Variants in NAV3 observed in about 807,000 individuals in gnomAD.
The protein encoded by NAV3 is pore membrane and/or filament interacting like protein 1.
NAV3 carries 87 observed loss-of-function variants against 244.7 expected under a neutral mutation model. The ratio of observed to expected loss-of-function variants is 0.36; its 90% confidence interval spans 0.30 to 0.42. The LOEUF (loss-of-function observed/expected upper bound fraction) is 0.42. Among genes scored for constraint, NAV3 ranks in the 20% least tolerant of loss-of-function variants. The pLI, the probability that NAV3 is intolerant of heterozygous loss-of-function variation, is 1.00. For synonymous variants in NAV3, 1,126 were observed against 1,042.2 expected (o/e 1.08, Z -1.55); for missense variants, 2,663 against 2,893.3 (o/e 0.92, Z 1.83).
chr12:78,210,334 T>C (rs1221309424), intron 39 of NAV3, 64 bp from the exon 40 acceptor site: 2 of 1,604,684 alleles, frequency 1.2e-6, no homozygotes, highest in Non-Finnish European at 1.7e-6. Context: ...CAGGGCCTTG[T>C]TTTTTATGGG....
At chr12:77,841,646 C>T (rs1468024311) in intron 1 of NAV3, among the ~76,000 whole-genome samples, 4 of 152,146 alleles carry the variant, frequency 2.6e-5, no homozygotes, top group Non-Finnish European at 5.9e-5. Flanking sequence ...TATGCATTTC[C>T]TGTGGCTGCT....
At chr12:77,604,789 T>G (rs1238880544) in intron 2 of NAV3, among the ~76,000 whole-genome samples, 1 of 152,098 alleles carries the variant, frequency 6.6e-6, no homozygotes, top group Non-Finnish European at 1.5e-5. Flanking sequence ...TTTCGTAAAG[T>G]TCCAATTAGG....
intron 8 of NAV3, among the ~76,000 whole-genome samples, chr12:78,008,914 A>C (rs1367983129): frequency 6.6e-6 from 1 of 152,142 alleles, no homozygotes; most frequent in African/African-American, 2.4e-5. Context: ...CATTTCAAAA[A>C]CGTGAGAAAA....
At chr12:78,207,912 A>G (rs1467170157) in intron 39 of NAV3, among the ~76,000 whole-genome samples, 1 of 152,178 alleles carries the variant, frequency 6.6e-6, no homozygotes, top group South Asian at 2.1e-4. Flanking sequence ...ATAGGATGGA[A>G]TCTGGAAGCT....
chr12:77,858,416 A>G (rs1383664755), intron 1 of NAV3, among the ~76,000 whole-genome samples: 2 of 152,082 alleles, frequency 1.3e-5, no homozygotes, highest in Admixed American at 1.3e-4. Context: ...AAGTTCAACA[A>G]TGCCTCAGGT....
chr12:77,787,312 G>A (rs1295130895), intron 2 of NAV3, among the ~76,000 whole-genome samples: 1 of 152,094 alleles, frequency 6.6e-6, no homozygotes, highest in Non-Finnish European at 1.5e-5. Flanking sequence ...GTTTTTAAAA[G>A]CAGCCTTCTT....
chr12:77,831,310 C>T lies in NAV3; in HGVS notation c.-152C>T, dbSNP rs1873654451. ...CTAAAGATGCAGGGAAGTTTTGCCTCTTCCTGAAAATTATATTATTAGCTT... is the reference window on the plus strand; with the variant it reads ...CTAAAGATGCAGGGAAGTTTTGCCTTTTCCTGAAAATTATATTATTAGCTT... On this transcript the variant is annotated 5_prime_UTR_variant, in exon 1 of 40. Transcript: ENST00000397909. 1.3e-6 allele frequency: 1 copy of T among 792,454 alleles called. No individual in the cohort carries two copies. The highest frequency in any genetic ancestry group is 2.9e-5 in the Admixed American group (1 of 34,816). The allele number at this position is 792,454 out of a possible 1,614,324, so 49.1% of individuals were successfully genotyped here.
chr12:77,675,557 T>G (rs1874168155), intron 2 of NAV3, among the ~76,000 whole-genome samples: 1 of 152,206 alleles, frequency 6.6e-6, no homozygotes, highest in South Asian at 2.1e-4. Flanking sequence ...ACTGAATAGC[T>G]GGAGACTGCA....
At chr12:77,692,486 A>G (rs1875080425) in intron 2 of NAV3, among the ~76,000 whole-genome samples, 1 of 152,006 alleles carries the variant, frequency 6.6e-6, no homozygotes, top group Non-Finnish European at 1.5e-5. Context: ...ACTAATGACT[A>G]ATTTAATTTG....
chr12:77,610,507 GGAATTCATCCCA>G (rs1870864078), intron 2 of NAV3, among the ~76,000 whole-genome samples: 1 of 152,004 alleles, frequency 6.6e-6, no homozygotes, highest in South Asian at 2.1e-4. Context: ...GTCAGTTTGT[GGAATTCATCCCA>G]TTTCTCATTT....
intron 1 of NAV3, among the ~76,000 whole-genome samples, chr12:77,855,677 A>T (rs774454947): frequency 3.3e-5 from 5 of 152,148 alleles, no homozygotes; most frequent in Non-Finnish European, 7.4e-5. Flanking sequence ...GAGCTTTCCC[A>T]CTTGCTGCTC....
At chr12:78,009,873 T>C (rs1227161670) in intron 8 of NAV3, among the ~76,000 whole-genome samples, 1 of 152,170 alleles carries the variant, frequency 6.6e-6, no homozygotes, top group African/African-American at 2.4e-5. Context: ...ATTACATGAA[T>C]ATCAGTAATT....
intron 2 of NAV3, among the ~76,000 whole-genome samples, chr12:77,782,863 C>G (rs1371208002): frequency 6.6e-6 from 1 of 151,860 alleles, no homozygotes; most frequent in Non-Finnish European, 1.5e-5. Context: ...TTTTTTTTCT[C>G]TTTTCCTTTG....
intron 2 of NAV3, among the ~76,000 whole-genome samples, chr12:77,708,070 C>T (rs182422690): frequency 2.2e-3 from 333 of 152,220 alleles, no homozygotes; most frequent in African/African-American, 7.4e-3. Context: ...TAATTAGATC[C>T]CATTTCTCAA....
At chr12:78,037,705 A>T (rs773685031) in intron 9 of NAV3, among the ~76,000 whole-genome samples, 4 of 152,118 alleles carry the variant, frequency 2.6e-5, no homozygotes, top group Admixed American at 2.6e-4. Flanking sequence ...AACTCCAAAC[A>T]TGTTTTTCAC....
intron 9 of NAV3, chr12:78,037,387 G>T (rs888902254): frequency 1.4e-6 from 1 of 694,150 alleles, no homozygotes; most frequent in African/African-American, 1.8e-5. Context: ...GACTTATTAG[G>T]TAAGTCCAAT....
rs746992717 is a variant in NAV3 at position 78,204,893 on chromosome 12, A to G, written c.6835-42A>G. On this transcript the variant is annotated intron_variant, in intron 38 of 39. Coordinates refer to ENST00000397909, the MANE Select transcript of NAV3 (RefSeq NM_001024383.2). ...GCAGTCCCCTTTTTTGCTGAATAGA[A>G]ATGCATTTTATATATATCCTAAACG... 4 of 1,583,376 alleles carry G rather than the reference A, an allele frequency of 2.5e-6. No homozygotes were observed. The African/African-American group carries it at 5.4e-5, about 21-fold the overall frequency.
At chr12:78,178,446 C>G (rs1206021393) in intron 28 of NAV3, among the ~76,000 whole-genome samples, 1 of 152,040 alleles carries the variant, frequency 6.6e-6, no homozygotes, top group African/African-American at 2.4e-5. Context: ...CAGGTGCGAG[C>G]CACCCCACCT....
At chr12:78,142,402 CAT>C (rs1956655034) in intron 20 of NAV3, among the ~76,000 whole-genome samples, 1 of 151,684 alleles carries the variant, frequency 6.6e-6, no homozygotes, top group Non-Finnish European at 1.5e-5. Context: ...AACTATGAAC[CAT>C]ATGTTGCCAT....
Sources: allele counts gnomAD v4.1 joint callset (sites outside exome capture counted in the v4.1 genomes callset), GRCh38; gene constraint gnomAD v4.1.1; transcripts MANE v1.5; gene names NCBI Gene and HGNC (gene_info 2026-07-23, HGNC 2026-07-21).